The following CCDC7 variants were observed in gnomAD, a reference collection of about 807,000 sequenced individuals.
CCDC7 encodes coiled-coil domain-containing protein 7.
Under a neutral mutation model 196.9 loss-of-function variants are expected in CCDC7, and 183 were observed. The ratio of observed to expected loss-of-function variants is 0.93; its 90% CI spans 0.82 to 1.05. The LOEUF (loss-of-function observed/expected upper bound fraction) is 1.05. Ranked by LOEUF, CCDC7 falls within the 50% of genes least tolerant of loss-of-function variation. The pLI is 0.00. For missense variants in CCDC7, 1,540 were observed against 1,482.2 expected (o/e 1.04, Z -0.64); for synonymous variants, 525 against 484.6 (o/e 1.08, Z -1.10).
chr10:32,470,853 A>G (rs1029261931), intron 5 of CCDC7, among the ~76,000 whole-genome samples: 6 of 152,198 alleles, frequency 3.9e-5, no homozygotes, highest in African/African-American at 1.4e-4. Flanking sequence ...CAGGCTTTAC[A>G]TGTAAAAGCC....
At chr10:32,728,537 A>G (rs1329660752) in intron 26 of CCDC7, among the ~76,000 whole-genome samples, 1 of 152,218 alleles carries the variant, frequency 6.6e-6, no homozygotes, top group Non-Finnish European at 1.5e-5. Context: ...TGCAATTACA[A>G]ATAATGCTAT....
chr10:32,778,979 A>C, exon 29 of CCDC7: 7 of 1,547,660 alleles, frequency 4.5e-6, no homozygotes, highest in Non-Finnish European at 6.1e-6. Context: ...TCTTACAGTT[A>C]AAAATGAAGC....
intron 39 of CCDC7, among the ~76,000 whole-genome samples, chr10:32,850,485 A>G (rs147439215): frequency 1.3e-5 from 2 of 152,324 alleles, no homozygotes; most frequent in Non-Finnish European, 2.9e-5. Context: ...AAAGTCATAT[A>G]ACTAAGACCA....
intron 20 of CCDC7, among the ~76,000 whole-genome samples, chr10:32,640,887 T>TTTTTA (rs1269017758): frequency 7.3e-6 from 1 of 137,522 alleles, no homozygotes; most frequent in South Asian, 2.6e-4. Context: ...TTTTTTTTTT[T>TTTTTA]ATTATACTCT....
chr10:32,638,042 G>A (rs1264139784), intron 20 of CCDC7, among the ~76,000 whole-genome samples: 1 of 152,018 alleles, frequency 6.6e-6, no homozygotes, highest in Non-Finnish European at 1.5e-5. Context: ...GTCTGTTATT[G>A]GTGTATGAGA....
At chr10:32,723,280 GCTAT>G (rs1376130944) in intron 25 of CCDC7, among the ~76,000 whole-genome samples, 1 of 152,096 alleles carries the variant, frequency 6.6e-6, no homozygotes, top group African/African-American at 2.4e-5. Flanking sequence ...GCCAGTTGTT[GCTAT>G]CTGTGCAGCA....
intron 13 of CCDC7, among the ~76,000 whole-genome samples, chr10:32,550,193 C>T (rs985021064): frequency 6.7e-6 from 1 of 148,690 alleles, no homozygotes; most frequent in Non-Finnish European, 1.5e-5. Flanking sequence ...GAGTTGAGTA[C>T]TTGATTTGAT....
chr10:32,616,365 A>G (rs1006583667), intron 18 of CCDC7, among the ~76,000 whole-genome samples: 7 of 151,682 alleles, frequency 4.6e-5, no homozygotes, highest in African/African-American at 1.7e-4. Context: ...CCTTATAGAG[A>G]TCTTTTTACT....
intron 20 of CCDC7, among the ~76,000 whole-genome samples, chr10:32,643,150 C>T (rs948105124): frequency 6.6e-6 from 1 of 151,980 alleles, no homozygotes; most frequent in South Asian, 2.1e-4. Flanking sequence ...TTATCTATTT[C>T]TTCTTGTAGT....
chr10:32,815,529 T>A (rs894862916), intron 31 of CCDC7, among the ~76,000 whole-genome samples: 4 of 152,056 alleles, frequency 2.6e-5, no homozygotes, highest in African/African-American at 9.7e-5. Context: ...CTTAATATAA[T>A]GGGAATACCA....
intron 9 of CCDC7, chr10:32,513,577 T>C (rs892844976): frequency 6.6e-6 from 1 of 152,144 alleles, no homozygotes; most frequent in African/African-American, 2.4e-5. Context: ...ATATATGTTA[T>C]GAATATGAAC....
chr10:32,713,499 C>T (rs1258641563), intron 25 of CCDC7, among the ~76,000 whole-genome samples: 1 of 152,214 alleles, frequency 6.6e-6, no homozygotes, highest in East Asian at 1.9e-4. Flanking sequence ...TTAGATCCCA[C>T]AATGTATCAC....
chr10:32,620,355 C>A (rs558332572), intron 18 of CCDC7, among the ~76,000 whole-genome samples: 1 of 152,098 alleles, frequency 6.6e-6, no homozygotes, highest in African/African-American at 2.4e-5. Flanking sequence ...TGTTTTATAG[C>A]GTGATAATAT....
intron 20 of CCDC7, among the ~76,000 whole-genome samples, chr10:32,662,781 A>C (rs2071775013): frequency 6.6e-6 from 1 of 152,192 alleles, no homozygotes; most frequent in Non-Finnish European, 1.5e-5. Context: ...ATTTCACATC[A>C]TCAAGTTCAA....
At chr10:32,791,907 C>A (rs373331949) in intron 29 of CCDC7, among the ~76,000 whole-genome samples, 1 of 152,126 alleles carries the variant, frequency 6.6e-6, no homozygotes, top group Non-Finnish European at 1.5e-5. Flanking sequence ...CCAAAAAAGT[C>A]ATTTTCAAGG....
intron 13 of CCDC7, among the ~76,000 whole-genome samples, chr10:32,562,474 C>G (rs1398387056): frequency 6.6e-6 from 1 of 152,158 alleles, no homozygotes; most frequent in African/African-American, 2.4e-5. Flanking sequence ...GGCTTCATCC[C>G]TGGGATGCAA....
intron 21 of CCDC7, among the ~76,000 whole-genome samples, chr10:32,666,794 G>C (rs2072859889): frequency 6.6e-6 from 1 of 151,984 alleles, no homozygotes; most frequent in Admixed American, 6.6e-5. Flanking sequence ...ATTTGGGTTG[G>C]TTCCAAGTCT....
At chr10:32,861,125 A>AAAG (rs1054412848) in intron 41 of CCDC7, among the ~76,000 whole-genome samples, 4 of 148,288 alleles carry the variant, frequency 2.7e-5, no homozygotes, top group Non-Finnish European at 6.0e-5. Flanking sequence ...CAAAAAAAAA[A>AAAG]AAAAAAAAAG....
intron 29 of CCDC7, among the ~76,000 whole-genome samples, chr10:32,796,875 AAAT>A (rs1259893729): frequency 6.6e-6 from 1 of 152,198 alleles, no homozygotes; most frequent in Non-Finnish European, 1.5e-5. Flanking sequence ...TAACATATAA[AAAT>A]AACCTGGTGA....
Sources: allele counts gnomAD v4.1 joint callset (sites outside exome capture counted in the v4.1 genomes callset), GRCh38; gene constraint gnomAD v4.1.1; transcripts MANE v1.5; gene names NCBI Gene and HGNC (gene_info 2026-07-23, HGNC 2026-07-21).